The following ZNF34 variants were observed in gnomAD, a reference collection of about 807,000 sequenced individuals.
ZNF34 encodes the protein zinc finger protein 34 (KOX 32).
In ZNF34, 8 loss-of-function variants were observed where a neutral mutation model predicts 14.4. That is an observed-to-expected ratio of 0.55 (90% CI 0.33 to 1.00). The LOEUF is 1.00. Among genes scored for constraint, ZNF34 ranks in the 50% least tolerant of loss-of-function variants. The probability of loss-of-function intolerance (pLI) is 0.03; values close to 1 mark genes in which losing one functional copy is unlikely to be tolerated. For synonymous variants in ZNF34, 235 were observed against 247.9 expected, an observed-to-expected ratio of 0.95 and a Z score of 0.49; for missense variants, 538 against 674.2, an observed-to-expected ratio of 0.80 and a Z score of 2.24.
At chr8:144,785,887 G>A (rs1303736538) in intron 1 of ZNF34, among the ~76,000 whole-genome samples, 3 of 152,194 alleles carry the variant, frequency 2.0e-5, no homozygotes, top group Admixed American at 6.5e-5. Context: ...CAAAGTCAGA[G>A]TGGTGGAAAG....
rs1825365417 is a variant in ZNF34, at chr8:144,774,378, C to T, written c.508G>A (p.Asp170Asn). 2 of 1,613,282 alleles carry T rather than the reference C, an allele frequency of 1.2e-6. No homozygotes were observed. Among genetic ancestry groups the T allele is most frequent in the African/African-American group, 2.7e-5 (2 of 75,020 alleles). The part of the protein sequence containing the change: ...NLRLLSRPVP[D>N]QRPHKCDICE... Reference sequence around the variant, plus strand: ...ATATCACATTTGTGAGGTCTCTGATCAGGAACAGGTCTTGACAGCAACCTG... The same window carrying T: ...ATATCACATTTGTGAGGTCTCTGATTAGGAACAGGTCTTGACAGCAACCTG... The change falls in exon 6 of 6, where the codon GAT (aspartate) becomes AAT (asparagine). Residue 170 changes from aspartate to asparagine, a missense_variant. Physicochemically the swap from Asp to Asn is conservative, Grantham distance 23. Around this residue, in one of 3 missense-constraint regions of ZNF34, gnomAD observed 431 missense variants for 525.7 expected, o/e 0.82. Coordinates refer to ENST00000429371, the MANE Select transcript of ZNF34 (RefSeq NM_001286769.2).
chr8:144,777,971 C>T lies in ZNF34; in HGVS notation c.160+67G>A, dbSNP rs932415021. On this transcript the variant is annotated intron_variant, in intron 4 of 5. Transcript: ENST00000429371. This position sits in a 1 kb window ranked among gnomAD's most constrained non-coding sequence, Gnocchi z 4.8. ...TGTGCCCAGGGGGTGAGGCCCCTAG[C>T]CCAGCCTCTGCTGAGCCCTTAGCCC... 1.3e-6 allele frequency: 2 copies of T among 1,592,102 alleles called. No individual in the cohort carries two copies. The highest frequency in any genetic ancestry group is 1.7e-6 in the Non-Finnish European group (2 of 1,168,942).
At position 144,773,265 on chromosome 8, in the gene ZNF34, G is replaced by A. The variant is rs759494203; in HGVS notation, c.*1C>T. The A allele has an allele frequency of 6.2e-7, 1 of 1,601,202 alleles. No homozygotes were observed. On this transcript the variant is annotated 3_prime_UTR_variant, in exon 6 of 6. Coordinates refer to ENST00000429371, the MANE Select transcript of ZNF34 (RefSeq NM_001286769.2). The surrounding 1 kb of genome is among the most constrained non-coding windows in gnomAD (Gnocchi z 5.4). ...CTCTGCCCTCGGACACCGCGCCACTGTTACATGGAGAAGTCCTCCCGGAGG... is the reference window on the plus strand; with the variant it reads ...CTCTGCCCTCGGACACCGCGCCACTATTACATGGAGAAGTCCTCCCGGAGG...
rs1825367248 is a variant in ZNF34, at chr8:144,774,397, C to A, written c.489G>T (p.Leu163Phe). The change falls in exon 6 of 6, where the codon TTG (leucine) becomes TTT (phenylalanine). Residue 163 changes from leucine to phenylalanine, a missense_variant. Around this residue, in one of 3 missense-constraint regions of ZNF34, gnomAD observed 431 missense variants for 525.7 expected, o/e 0.82. Coordinates refer to ENST00000429371, the MANE Select transcript of ZNF34 (RefSeq NM_001286769.2). ...TCTGATCAGGAACAGGTCTTGACAG[C>A]AACCTGAGGTTTCCCCCAGACTCCC... ...SSRESGGNLR[L>F]LSRPVPDQRP... is the part of the protein sequence containing the mutation. The A allele has an allele frequency of 6.2e-7, 1 of 1,613,640 alleles. No individual in the cohort carries two copies. The highest frequency in any genetic ancestry group is 1.3e-5 in the African/African-American group (1 of 75,028).
intron 1 of ZNF34, among the ~76,000 whole-genome samples, chr8:144,780,751 C>T (rs941518902): frequency 5.3e-5 from 8 of 150,992 alleles, no homozygotes; most frequent in Admixed American, 3.3e-4. Context: ...ATCGCGCCAT[C>T]GCACTCCAGC....
rs1351820243 is a variant in ZNF34, at chr8:144,772,813, T to A, written c.*453A>T. ...CCTTGGCCTCTCAAAATGCTGGTAT[T>A]ACAGGCATGAGCCACCACACCTGGC... On this transcript the variant is annotated 3_prime_UTR_variant, in exon 6 of 6. Coordinates refer to ENST00000429371, the MANE Select transcript of ZNF34 (RefSeq NM_001286769.2). 1.3e-5 allele frequency among the ~76,000 whole-genome samples: 2 copies of A among 152,230 alleles called. No individual in the cohort carries two copies. The highest frequency in any genetic ancestry group is 2.9e-5 in the Non-Finnish European group (2 of 68,044).
chr8:144,774,110 T>C lies in ZNF34; in HGVS notation c.776A>G (p.Lys259Arg). The stretch of plus-strand genomic sequence containing the variant: ...GAAGGCTTTCCCACACTCATCACAT[T>C]TGTAGGGCTTCTCTTCAGTGTGAAG... ...QRLHTEEKPY[K>R]CDECGKAFSQ... is the part of the protein sequence containing the mutation. Residue 259 changes from lysine to arginine, a missense_variant, in exon 6 of 6, where the codon AAA becomes AGA. Around this residue, in one of 3 missense-constraint regions of ZNF34, gnomAD observed 431 missense variants for 525.7 expected, o/e 0.82. Coordinates refer to ENST00000429371, the MANE Select transcript of ZNF34 (RefSeq NM_001286769.2). The C allele has an allele frequency of 6.2e-7, 1 of 1,614,100 alleles. No homozygotes were observed. Among genetic ancestry groups the C allele is most frequent in the South Asian group, 1.1e-5 (1 of 91,090 alleles).
At position 144,774,137 on chromosome 8, in the gene ZNF34, C is replaced by A. The variant is rs746814537; in HGVS notation, c.749G>T (p.Arg250Leu). 6.2e-7 allele frequency: 1 copy of A among 1,614,054 alleles called. No homozygotes were observed. Among genetic ancestry groups the A allele is most frequent in the South Asian group, 1.1e-5 (1 of 91,082 alleles). The change falls in exon 6 of 6, where the codon CGG (arginine) becomes CTG (leucine). Residue 250 changes from arginine to leucine, a missense_variant. This residue lies in a region of ZNF34 where 431 missense variants were observed against 525.7 expected (regional missense o/e 0.82). Transcript: ENST00000429371. ...GTAGGGCTTCTCTTCAGTGTGAAGCCGCTGATGCTTGACAAGGTTGGCACT... is the reference window on the plus strand; with the variant it reads ...GTAGGGCTTCTCTTCAGTGTGAAGCAGCTGATGCTTGACAAGGTTGGCACT... Reference protein sequence around the residue: ...RYSANLVKHQRLHTEEKPYKC... With the variant: ...RYSANLVKHQLLHTEEKPYKC...
intron 1 of ZNF34, among the ~76,000 whole-genome samples, chr8:144,785,979 G>GTTTTTT (rs35149527): frequency 3.0e-5 from 3 of 99,282 alleles, no homozygotes; most frequent in Admixed American, 1.1e-4. Context: ...TACATAGGTA[G>GTTTTTT]TTTTTTTTTT....
In ZNF34 at chr8:144,781,116, C is replaced by T. The variant is rs367552603; in HGVS notation, c.-107-836G>A. On this transcript the variant is annotated intron_variant, in intron 1 of 5. Transcript: ENST00000429371. ...CACCACTGCACTCCAGCCTGGGCGA[C>T]AGAGCGAGACTCCATCTCAAATAAA... is the stretch of plus-strand genomic sequence containing the variant. Among the ~76,000 whole-genome samples, 92 of 149,202 alleles carry T rather than the reference C, an allele frequency of 6.2e-4. No homozygotes were observed. In the South Asian group the frequency reaches 0.018, roughly 30 times the overall value.
At chr8:144,778,308 G>T (rs899563585) in intron 3 of ZNF34, 131 bp downstream of exon 3, 2 of 1,387,354 alleles carry the variant, frequency 1.4e-6, no homozygotes, top group South Asian at 2.8e-5. Flanking sequence ...CATCCCAAGG[G>T]GTGGCTGCAT....
rs149988063 is a variant in ZNF34 at position 144,782,999 on chromosome 8, T to TAAAAAAAA, written c.-107-2727_-107-2720dup. ...TAAAATAAAACCATTTTAAATAGATTAAAAAAAAAGAGCAAAAGGCCAGGT... is the reference window on the plus strand; with the variant it reads ...TAAAATAAAACCATTTTAAATAGATTAAAAAAAAAAAAAAAAAGAGCAAAAGGCCAGGT... On this transcript the variant is annotated intron_variant, in intron 1 of 5. Coordinates refer to ENST00000429371, the MANE Select transcript of ZNF34 (RefSeq NM_001286769.2). Among the ~76,000 whole-genome samples, 1,213 of 148,954 alleles carry TAAAAAAAA rather than the reference T, an allele frequency of 8.1e-3. 16 individuals are homozygous for TAAAAAAAA. Among genetic ancestry groups the TAAAAAAAA allele is most frequent in the African/African-American group, 0.029 (1,148 of 40,032 alleles).
chr8:144,775,215 T>C (rs528581248), intron 5 of ZNF34, among the ~76,000 whole-genome samples: 1 of 152,306 alleles, frequency 6.6e-6, no homozygotes, highest in Non-Finnish European at 1.5e-5. Flanking sequence ...GCACTGCACA[T>C]GAACAGGTGC....
chr8:144,783,062 G>A (rs1313530470), intron 1 of ZNF34, among the ~76,000 whole-genome samples: 1 of 151,928 alleles, frequency 6.6e-6, no homozygotes, highest in Admixed American at 6.6e-5. Context: ...TACTTTGGGA[G>A]GCCAAGGCGG....
intron 3 of ZNF34, 35 bp downstream of exon 3, chr8:144,778,404 A>C: frequency 6.7e-7 from 1 of 1,494,888 alleles, no homozygotes; most frequent in African/African-American, 1.4e-5. Context: ...GCCCTGGGTA[A>C]AAACTTCACT....
intron 1 of ZNF34, among the ~76,000 whole-genome samples, chr8:144,784,941 G>A (rs1826129949): frequency 6.6e-6 from 1 of 151,610 alleles, no homozygotes; most frequent in Non-Finnish European, 1.5e-5. Flanking sequence ...TGGGTAACAT[G>A]GTGAAACCCC....
rs1825239790 is a variant in ZNF34 at position 144,772,618 on chromosome 8, C to T, written c.*648G>A. Among the ~76,000 whole-genome samples the T allele has an allele frequency of 6.6e-6, 1 of 152,246 alleles. No individual in the cohort carries two copies. The highest frequency in any genetic ancestry group is 2.4e-5 in the African/African-American group (1 of 41,470). On this transcript the variant is annotated 3_prime_UTR_variant, in exon 6 of 6. Transcript: ENST00000429371. ...ACAGTGGCACAGTCTTGGCTCACTGCAACCTCCGCCTCCCAGGTTCAAGCA... is the reference window on the plus strand; with the variant it reads ...ACAGTGGCACAGTCTTGGCTCACTGTAACCTCCGCCTCCCAGGTTCAAGCA...
rs1361606114 is a variant in ZNF34 at position 144,778,034 on chromosome 8, T to C, written c.160+4A>G. On this transcript the variant is annotated splice_donor_region_variant and intron_variant, in intron 4 of 5. Transcript: ENST00000429371. ...CCAGAGCTGAGTTCTGGTGAGGGCC[T>C]TACCCAGTGAGACTAGGTTCCCGTA... The C allele has an allele frequency of 5.6e-6, 9 of 1,613,746 alleles. No individual in the cohort carries two copies. Among genetic ancestry groups the C allele is most frequent in the Non-Finnish European group, 7.6e-6 (9 of 1,179,878 alleles).
chr8:144,773,779 T>A lies in ZNF34; in HGVS notation c.1107A>T (p.Pro369=). The A allele has an allele frequency of 6.2e-7, 1 of 1,614,046 alleles. No individual in the cohort carries two copies. Residue 369 remains proline (P), a synonymous_variant, in exon 6 of 6, where the codon CCA becomes CCT. Transcript: ENST00000429371. This position sits in a 1 kb window ranked among gnomAD's most constrained non-coding sequence, Gnocchi z 5.4. ...CTTTGCCACATTCCTTGCACTCAAA[T>A]GGCTTCTCTCCGGTGTGAGTCCGAC... ...RHRRTHTGEK[P]FECKECGKGF...
Sources: gnomAD v4.1 joint callset for allele counts (sites outside exome capture counted in the v4.1 genomes callset) on GRCh38, gnomAD v4.1.1 for gene constraint, gnomAD v4.1.1 regional missense constraint, Gnocchi (gnomAD v3.1) non-coding constraint, MANE v1.5 for transcripts, NCBI Gene and HGNC (gene_info 2026-07-23, HGNC 2026-07-21) for gene names.